The following PTGER3 variants were observed in gnomAD, a reference collection of about 807,000 sequenced individuals.
The protein encoded by PTGER3 is prostaglandin E2 receptor EP3 subtype.
A neutral mutation model predicts 34.7 loss-of-function variants in PTGER3; 22 were observed. The ratio of observed to expected loss-of-function variants is 0.63; its 90% confidence interval spans 0.45 to 0.91. The LOEUF is 0.91. PTGER3 is among the 40% of genes least tolerant of loss of function. The pLI, the probability that PTGER3 is intolerant of heterozygous loss-of-function variation, is 0.00. For missense variants in PTGER3, 468 were observed against 519.4 expected (o/e 0.90, Z 0.96); for synonymous variants, 241 against 230.1 (o/e 1.05, Z -0.43).
At chr1:70,955,552 TA>T in intron 2 of PTGER3, among the ~76,000 whole-genome samples, 1 of 152,104 alleles carries the variant, frequency 6.6e-6, no homozygotes, top group Non-Finnish European at 1.5e-5. Context: ...AAAGTCCTAC[TA>T]AGAAAAACAA....
At chr1:70,892,278 TA>T (rs1646634547) in intron 4 of PTGER3, among the ~76,000 whole-genome samples, 1 of 152,352 alleles carries the variant, frequency 6.6e-6, no homozygotes, top group Middle Eastern at 3.4e-3. Flanking sequence ...ATGTTGACGA[TA>T]ACCCTACCTC....
At position 71,034,937 on chromosome 1, in the gene PTGER3, G is replaced by A. The variant is rs1047289489; in HGVS notation, c.897+11744C>T. ...GTTTTCTCATCATAATAACTTTGGC[G>A]ACAAAAATGCCTATCTCATAGGGTT... On this transcript the variant is annotated intron_variant, in intron 1 of 3. Transcript: ENST00000306666. Among the ~76,000 whole-genome samples, 30 of 152,102 alleles carry A rather than the reference G, an allele frequency of 2.0e-4. No individual in the cohort carries two copies. The South Asian group carries it at 4.2e-3, about 21-fold the overall frequency.
intron 2 of PTGER3, among the ~76,000 whole-genome samples, chr1:70,988,999 T>A (rs968885379): frequency 1.3e-5 from 2 of 152,024 alleles, no homozygotes; most frequent in African/African-American, 4.8e-5. Flanking sequence ...TGCCCAGAAG[T>A]TCCATGATAA....
intron 4 of PTGER3, among the ~76,000 whole-genome samples, chr1:70,917,689 T>A (rs1017051303): frequency 6.6e-6 from 1 of 151,958 alleles, no homozygotes; most frequent in African/African-American, 2.4e-5. Context: ...GTATAAGAGT[T>A]CTTTTTTCTC....
At chr1:71,015,601 T>C (rs139251029) in intron 1 of PTGER3, among the ~76,000 whole-genome samples, 129 of 152,312 alleles carry the variant, frequency 8.5e-4, no homozygotes, top group Non-Finnish European at 1.4e-3. Context: ...TCCACTAAGC[T>C]GATAATGACT....
At chr1:70,947,067 A>G (rs1321383346) in intron 4 of PTGER3, among the ~76,000 whole-genome samples, 4 of 152,128 alleles carry the variant, frequency 2.6e-5, no homozygotes, top group South Asian at 2.1e-4. Context: ...GAAGTCAATG[A>G]TCTGCTCTAT....
At chr1:71,002,738 C>T (rs1485804619) in intron 2 of PTGER3, among the ~76,000 whole-genome samples, 1 of 152,110 alleles carries the variant, frequency 6.6e-6, no homozygotes. Context: ...AGTAAAAACC[C>T]GTTTTGTCCC....
At chr1:71,020,469 C>A (rs1658305029) in intron 1 of PTGER3, among the ~76,000 whole-genome samples, 2 of 151,936 alleles carry the variant, frequency 1.3e-5, no homozygotes, top group Admixed American at 1.3e-4. Context: ...TCTGCATACA[C>A]CTCTACAGTT....
chr1:70,901,232 G>C (rs892208760), intron 4 of PTGER3, among the ~76,000 whole-genome samples: 3 of 152,138 alleles, frequency 2.0e-5, no homozygotes, highest in Non-Finnish European at 4.4e-5. Flanking sequence ...TTCCGCAAAT[G>C]CTCACAAATC....
Position 70,958,216 on chromosome 1 carries a change from G to A in PTGER3, c.1078-4427C>T, listed in dbSNP as rs140879865. ...TTTCATTTTCTTTGATATATGCCCA[G>A]TAATGAGCTTGCTAGATCAAATGGT... is the stretch of plus-strand genomic sequence containing the variant. On this transcript the variant is annotated intron_variant, in intron 2 of 3. Coordinates refer to the PTGER3 transcript ENST00000356595. Among the ~76,000 whole-genome samples, 90 of 152,244 alleles carry A rather than the reference G, an allele frequency of 5.9e-4. 1 individual carries two copies. The highest frequency in any genetic ancestry group is 2.0e-3 in the African/African-American group (83 of 41,536).
intron 4 of PTGER3, among the ~76,000 whole-genome samples, chr1:70,941,066 A>G (rs963199907): frequency 1.3e-5 from 2 of 152,224 alleles, no homozygotes; most frequent in Non-Finnish European, 2.9e-5. Context: ...TGTTTTTTCA[A>G]TATACTTGAT....
intron 4 of PTGER3, among the ~76,000 whole-genome samples, chr1:70,873,649 GC>G (rs200658042): frequency 9.9e-5 from 14 of 141,280 alleles, no homozygotes; most frequent in African/African-American, 3.5e-4. Flanking sequence ...TATGTGAGGT[GC>G]TTTTTTTTTT....
At chr1:70,992,709 A>G (rs895403229) in intron 2 of PTGER3, among the ~76,000 whole-genome samples, 5 of 152,204 alleles carry the variant, frequency 3.3e-5, no homozygotes, top group Admixed American at 2.0e-4. Context: ...AACCAAGGAC[A>G]TCGATTTCAT....
intron 3 of PTGER3, 114 bp from the exon 4 acceptor site, chr1:70,971,847 G>A (rs888299357): frequency 1.9e-5 from 13 of 668,234 alleles, no homozygotes; most frequent in Non-Finnish European, 2.7e-5. Flanking sequence ...TGCTTTAAAC[G>A]TTTAAAACAT....
chr1:70,865,575 G>A lies in PTGER3; in HGVS notation c.*24-12716C>T, dbSNP rs577983554. The A allele has an allele frequency of 1.6e-4, 193 of 1,202,918 alleles. No individual in the cohort carries two copies. The African/African-American group carries it at 2.7e-3, about 17-fold the overall frequency. The allele number at this position is 1,202,918 out of a possible 1,614,324, so 74.5% of individuals were successfully genotyped here. A position where few individuals can be genotyped will look rare whatever the true frequency, so the allele number is the denominator to read the frequency against. Reference sequence around the variant, plus strand: ...ATAAAATCAGGCCACAAAAAGATAGGTGGGACAACAGAGATGAAAGATGGT... The same window carrying A: ...ATAAAATCAGGCCACAAAAAGATAGATGGGACAACAGAGATGAAAGATGGT... On this transcript the variant is annotated intron_variant, in intron 4 of 4. Coordinates refer to the PTGER3 transcript ENST00000370931.
chr1:70,897,540 CGT>C (rs1646747025), intron 4 of PTGER3, among the ~76,000 whole-genome samples: 1 of 152,110 alleles, frequency 6.6e-6, no homozygotes. Context: ...ATGACTCCCA[CGT>C]GTCTGCTGTT....
chr1:70,862,425 T>C, intron 4 of PTGER3: 2 of 1,321,370 alleles, frequency 1.5e-6, no homozygotes, highest in Non-Finnish European at 2.0e-6. Context: ...ATAGAAATAT[T>C]GTGCTGAAAA....
intron 4 of PTGER3, among the ~76,000 whole-genome samples, chr1:70,882,733 C>T (rs561006514): frequency 6.6e-5 from 10 of 152,176 alleles, no homozygotes; most frequent in Admixed American, 1.3e-4. Flanking sequence ...GTGGAGAGTG[C>T]GAATCTTCTA....
intron 4 of PTGER3, among the ~76,000 whole-genome samples, chr1:70,942,253 T>C (rs1649827581): frequency 6.6e-6 from 1 of 152,130 alleles, no homozygotes. Flanking sequence ...GATCCAGGAA[T>C]CACTTTGTGG....
Sources: allele counts gnomAD v4.1 joint callset (sites outside exome capture counted in the v4.1 genomes callset), GRCh38; gene constraint gnomAD v4.1.1; transcripts MANE v1.5; gene names NCBI Gene and HGNC (gene_info 2026-07-23, HGNC 2026-07-21).